ETFBKMT: variants seen among roughly 807,000 people sequenced by gnomAD.
ETFBKMT encodes electron transfer flavoprotein subunit beta lysine methyltransferase, also known as electron transfer flavoprotein beta subunit lysine methyltransferase.
A neutral mutation model predicts 18.3 loss-of-function variants in ETFBKMT; 13 were observed. The ratio of observed to expected loss-of-function variants is 0.71; its 90% CI spans 0.46 to 1.13. ETFBKMT has a LOEUF of 1.13. Among genes scored for constraint, ETFBKMT ranks in the 50% most tolerant of loss-of-function variants. The probability of loss-of-function intolerance (pLI) is 0.00; values close to 1 mark genes in which losing one functional copy is unlikely to be tolerated. For synonymous variants in ETFBKMT, 84 were observed against 107.9 expected (o/e 0.78, Z 1.37); for missense variants, 293 against 306.2 (o/e 0.96, Z 0.32).
At chr12:31,655,077 A>AC (rs1029326689), upstream of ETFBKMT, among the ~76,000 whole-genome samples, 60 of 148,188 alleles carry the variant, frequency 4.0e-4, no homozygotes, top group East Asian at 0.01. Context: ...AAACAAACAA[A>AC]AAAACAGAAC....
chr12:31,659,469 A>T (rs931661619), upstream of ETFBKMT: 10 of 152,426 alleles, frequency 6.6e-5, 1 homozygote, highest in East Asian at 1.9e-4. Context: ...AACTCTTTTC[A>T]TCCCATCAGC....
At chr12:31,666,782 C>T (rs1346661562) in intron 3 of ETFBKMT, among the ~76,000 whole-genome samples, 1 of 151,656 alleles carries the variant, frequency 6.6e-6, no homozygotes, top group Non-Finnish European at 1.5e-5. Context: ...TCCTGAGTAG[C>T]TGGGACTATA....
At chr12:31,651,579 G>C (rs557061301) in intron 1 of ETFBKMT, among the ~76,000 whole-genome samples, 1 of 152,036 alleles carries the variant, frequency 6.6e-6, no homozygotes, top group Non-Finnish European at 1.5e-5. Flanking sequence ...TGATCTAGCC[G>C]CCTCCGCCTC....
chr12:31,647,786 G>A (rs1381805613), intron 1 of ETFBKMT, among the ~76,000 whole-genome samples: 1 of 151,974 alleles, frequency 6.6e-6, no homozygotes, highest in East Asian at 1.9e-4. Flanking sequence ...CCAAGATCAC[G>A]CCACTGCACT....
rs532459632 is a variant in ETFBKMT, at chr12:31,672,592, G to T, written c.*4602G>T. The T allele has an allele frequency of 6.3e-5, 22 of 351,722 alleles. No individual in the cohort carries two copies. The highest frequency in any genetic ancestry group is 1.8e-4 in the South Asian group (3 of 16,844). The allele number at this position is 351,722 out of a possible 1,614,324, so 21.8% of individuals were successfully genotyped here. ...TAGTGCACCTATCATGGTATTACTT[G>T]TTTAAAAAAAAAAAACAGGCATTTG... On this transcript the variant is annotated 3_prime_UTR_variant, in exon 4 of 4. Coordinates refer to ENST00000357721, the MANE Select transcript of ETFBKMT (RefSeq NM_001135863.2).
At chr12:31,647,360 G>A (rs919443143) in intron 1 of ETFBKMT, 18 of 152,044 alleles carry the variant, frequency 1.2e-4, no homozygotes, top group African/African-American at 4.1e-4. Flanking sequence ...TCTCATTACC[G>A]AGTCTACGTC....
chr12:31,648,433 T>C (rs896504270), intron 1 of ETFBKMT, among the ~76,000 whole-genome samples: 3 of 150,798 alleles, frequency 2.0e-5, no homozygotes, highest in African/African-American at 7.3e-5. Flanking sequence ...ACCATCTCAG[T>C]TGACTGCAAC....
At chr12:31,648,711 A>ACCTG in intron 1 of ETFBKMT, among the ~76,000 whole-genome samples, 1 of 151,752 alleles carries the variant, frequency 6.6e-6, no homozygotes, top group South Asian at 2.1e-4. Context: ...ACAGGGGCCC[A>ACCTG]CCACCACGCC....
chr12:31,662,285 C>T lies in ETFBKMT; in HGVS notation c.314+18C>T, dbSNP rs1426383857. On this transcript the variant is annotated intron_variant, in intron 2 of 3. Transcript: ENST00000357721. ...CTGTCTAGGTACTACCCTAATGAAA[C>T]CTTTAAGGCGCTACAGATCTTTGCT... The T allele has an allele frequency of 6.2e-7, 1 of 1,608,464 alleles. No homozygotes were observed. Among genetic ancestry groups the T allele is most frequent in the South Asian group, 1.1e-5 (1 of 90,968 alleles).
upstream of ETFBKMT, chr12:31,659,103 A>C (rs1951087722): frequency 6.6e-6 from 1 of 152,144 alleles, no homozygotes; most frequent in South Asian, 2.1e-4. Context: ...TTTCCAGGTG[A>C]GGTCAGGGCG....
At position 31,663,155 on chromosome 12, in the gene ETFBKMT, T is replaced by C. The variant is rs548126971; in HGVS notation, c.314+888T>C. Among the ~76,000 whole-genome samples the C allele has an allele frequency of 4.0e-5, 6 of 151,594 alleles. No individual in the cohort carries two copies. In the South Asian group the frequency reaches 1.3e-3, roughly 32 times the overall value. ...TCACCCAGGCTGGAGTGCAGTGGTGTGATCTCGGCTCACTGCAAGCCCCGC... is the reference window on the plus strand; with the variant it reads ...TCACCCAGGCTGGAGTGCAGTGGTGCGATCTCGGCTCACTGCAAGCCCCGC... On this transcript the variant is annotated intron_variant, in intron 2 of 3. Transcript: ENST00000357721.
intron 1 of ETFBKMT, among the ~76,000 whole-genome samples, chr12:31,647,589 G>A (rs1475023102): frequency 6.6e-6 from 1 of 152,178 alleles, no homozygotes; most frequent in Non-Finnish European, 1.5e-5. Flanking sequence ...AGCACTTTGT[G>A]GGACTGAGGC....
intron 1 of ETFBKMT, among the ~76,000 whole-genome samples, chr12:31,650,173 T>C (rs1483515960): frequency 6.7e-6 from 1 of 148,828 alleles, no homozygotes; most frequent in African/African-American, 2.5e-5. Context: ...CAGAATGAGA[T>C]AGGAGGTCGC....
intron 1 of ETFBKMT, among the ~76,000 whole-genome samples, chr12:31,649,643 C>G (rs1239899404): frequency 1.3e-5 from 2 of 151,998 alleles, no homozygotes; most frequent in Non-Finnish European, 2.9e-5. Flanking sequence ...TTTGCACCAA[C>G]CTAATATGAT....
chr12:31,649,132 A>G (rs972104780), intron 1 of ETFBKMT, among the ~76,000 whole-genome samples: 1 of 152,076 alleles, frequency 6.6e-6, no homozygotes, highest in Non-Finnish European at 1.5e-5. Context: ...TTTGTATTTT[A>G]GTAGAGACGG....
rs564887020 is a variant in ETFBKMT, at chr12:31,671,660, T to A, written c.*3670T>A. The A allele has an allele frequency of 6.6e-6, 1 of 152,310 alleles. No individual in the cohort carries two copies. Among genetic ancestry groups the A allele is most frequent in the East Asian group, 1.9e-4 (1 of 5,194 alleles). The allele number at this position is 152,310 out of a possible 1,614,324, so 9.4% of individuals were successfully genotyped here. ...TAAGGAAGGAAAGCTTACAGATGCA[T>A]AAAATGTAACTGGGAAGAGTAGCCA... On this transcript the variant is annotated 3_prime_UTR_variant, in exon 4 of 4. Transcript: ENST00000357721.
At chr12:31,652,469 G>T (rs1951026306) in intron 1 of ETFBKMT, among the ~76,000 whole-genome samples, 1 of 152,006 alleles carries the variant, frequency 6.6e-6, no homozygotes, top group Non-Finnish European at 1.5e-5. Flanking sequence ...TCATTTCTTT[G>T]TCCAAAAGGT....
At position 31,668,893 on chromosome 12, in the gene ETFBKMT, A is replaced by AT. The variant is rs1951232211; in HGVS notation, c.*905dup. ...TTCTTGCGTGTTGTATGCTTTTCGCATTAGAGCCCTTTGCATGTTAATCAG... is the reference window on the plus strand; with the variant it reads ...TTCTTGCGTGTTGTATGCTTTTCGCATTTAGAGCCCTTTGCATGTTAATCAG... On this transcript the variant is annotated 3_prime_UTR_variant, in exon 4 of 4. Transcript: ENST00000357721. The AT allele has an allele frequency of 6.6e-6, 1 of 152,166 alleles. No individual in the cohort carries two copies. Among genetic ancestry groups the AT allele is most frequent in the South Asian group, 2.1e-4 (1 of 4,828 alleles). 9.4% of individuals were successfully genotyped at this position (152,166 alleles called of 1,614,324 possible).
In ETFBKMT at chr12:31,670,969, T is replaced by C. The variant is rs956777741; in HGVS notation, c.*2979T>C. On this transcript the variant is annotated 3_prime_UTR_variant, in exon 4 of 4. Transcript: ENST00000357721. Reference sequence around the variant, plus strand: ...AGGGAATACTGGGTACTGGATGGGGTACAGATATTTTAAACAGAGTGGTGA... The same window carrying C: ...AGGGAATACTGGGTACTGGATGGGGCACAGATATTTTAAACAGAGTGGTGA... 5.9e-5 allele frequency: 9 copies of C among 152,000 alleles called. No homozygotes were observed. The highest frequency in any genetic ancestry group is 1.3e-4 in the Non-Finnish European group (9 of 68,010). The allele number at this position is 152,000 out of a possible 1,614,324, so 9.4% of individuals were successfully genotyped here.
Sources: gnomAD v4.1 joint callset for allele counts (sites outside exome capture counted in the v4.1 genomes callset) on GRCh38, gnomAD v4.1.1 for gene constraint, MANE v1.5 for transcripts, NCBI Gene and HGNC (gene_info 2026-07-23, HGNC 2026-07-21) for gene names.